Variants in CEP120 observed in about 807,000 individuals in gnomAD.
CEP120 encodes centrosomal protein of 120 kDa.
In CEP120, 113 loss-of-function variants were observed where a neutral mutation model predicts 126.5. The observed-to-expected ratio is 0.89, with a 90% CI of 0.77 to 1.04. CEP120 has a LOEUF of 1.04. Among genes scored for constraint, CEP120 ranks in the 50% least tolerant of loss-of-function variants. The pLI, the probability that CEP120 is intolerant of heterozygous loss-of-function variation, is 0.00. For synonymous variants in CEP120, 400 were observed against 394.3 expected (o/e 1.01, Z -0.17); for missense variants, 1,230 against 1,155.7 (o/e 1.06, Z -0.93).
At chr5:123,347,530 A>T (rs1768913684) in intron 19 of CEP120, among the ~76,000 whole-genome samples, 1 of 152,198 alleles carries the variant, frequency 6.6e-6, no homozygotes, top group African/African-American at 2.4e-5. Flanking sequence ...TATGTTTGTT[A>T]TAATCTCATT....
chr5:123,361,464 G>A (rs1001587535), intron 18 of CEP120, among the ~76,000 whole-genome samples: 5 of 151,826 alleles, frequency 3.3e-5, no homozygotes, highest in Non-Finnish European at 7.4e-5. Context: ...ATGAAAGAAT[G>A]AAGTAACTAC....
chr5:123,389,546 G>C (rs1772249606), intron 8 of CEP120, among the ~76,000 whole-genome samples: 1 of 152,120 alleles, frequency 6.6e-6, no homozygotes, highest in Non-Finnish European at 1.5e-5. Context: ...TGTTGCCCAG[G>C]CTGGAGTGCA....
intron 16 of CEP120, among the ~76,000 whole-genome samples, chr5:123,376,172 GA>G (rs1348199985): frequency 2.0e-5 from 3 of 152,092 alleles, no homozygotes; most frequent in African/African-American, 7.2e-5. Flanking sequence ...TAAAGAAAAA[GA>G]ACAGGAGAAT....
chr5:123,349,977 T>C lies in CEP120; in HGVS notation c.2693A>G (p.Gln898Arg). The change falls in exon 19 of 20, where the codon CAA becomes CGA. Residue 898 changes from glutamine (Q) to arginine (R), a missense_variant. Gln to Arg is a conservative substitution (Grantham distance 43). Coordinates refer to ENST00000306467, the MANE Select transcript of CEP120 (RefSeq NM_001375405.1). ...EEKDTVKTER[Q>R]ELLDIRNELN... Reference sequence around the variant, plus strand: ...TTCATTTCTTATATCCAACAATTCTTGTCGCTCGGTTTTTACTGTATCTTT... The same window carrying C: ...TTCATTTCTTATATCCAACAATTCTCGTCGCTCGGTTTTTACTGTATCTTT... The C allele has an allele frequency of 6.2e-7, 1 of 1,613,854 alleles. No homozygotes were observed. The highest frequency in any genetic ancestry group is 8.5e-7 in the Non-Finnish European group (1 of 1,179,900).
At position 123,386,442 on chromosome 5, in the gene CEP120, T is replaced by G. The variant is rs751083520; in HGVS notation, c.1580+76A>C. ...TGCTATGGATTTAAACCTATAAGAA[T>G]TCCTTTTTAATAAAATACAAATTTT... On this transcript the variant is annotated intron_variant, in intron 10 of 19. Coordinates refer to ENST00000306467, the MANE Select transcript of CEP120 (RefSeq NM_001375405.1). 2.8e-6 allele frequency: 3 copies of G among 1,077,932 alleles called. No homozygotes were observed. The Admixed American group carries it at 1.0e-4, about 37-fold the overall frequency. The allele number at this position is 1,077,932 out of a possible 1,614,324, so 66.8% of individuals were successfully genotyped here.
At chr5:123,402,133 T>C in intron 4 of CEP120, 1 of 1,583,364 alleles carries the variant, frequency 6.3e-7, no homozygotes, top group Non-Finnish European at 8.7e-7. Context: ...CTCAGCAGGC[T>C]CTGGTTGACT....
rs1303544839 is a variant in CEP120, at chr5:123,388,503, A to C, written c.1359T>G (p.His453Gln). 6.2e-7 allele frequency: 1 copy of C among 1,610,142 alleles called. No individual in the cohort carries two copies. Among genetic ancestry groups the C allele is most frequent in the Non-Finnish European group, 8.5e-7 (1 of 1,178,692 alleles). The change falls in exon 9 of 20, where the codon CAT becomes CAG. Residue 453 changes from histidine (H) to glutamine (Q), a missense_variant. By Grantham distance (24) the His-to-Gln change is conservative (BLOSUM62 0). Coordinates refer to ENST00000306467, the MANE Select transcript of CEP120 (RefSeq NM_001375405.1). Reference sequence around the variant, plus strand: ...TCCTTAAGTCTATTGAAAAGCAAAAATGATGTGATGTTGCTGGTACAGCAA... The same window carrying C: ...TCCTTAAGTCTATTGAAAAGCAAAACTGATGTGATGTTGCTGGTACAGCAA... ...QKIAVPATSHHFCFSIDLRSI... is the reference protein window; with the variant it reads ...QKIAVPATSHQFCFSIDLRSI...
At position 123,391,350 on chromosome 5, in the gene CEP120, G is replaced by C; in HGVS notation, c.811-13C>G. The stretch of plus-strand genomic sequence containing the variant: ...AGCAGAGGTGAATCTAATATGAAAG[G>C]GAAAAATCAAAATAGGGCTTTATAC... On this transcript the variant is annotated splice_polypyrimidine_tract_variant and intron_variant, in intron 6 of 19. Coordinates refer to ENST00000306467, the MANE Select transcript of CEP120 (RefSeq NM_001375405.1). 16 of 1,585,662 alleles carry C rather than the reference G, an allele frequency of 1.0e-5. No homozygotes were observed. Among genetic ancestry groups the C allele is most frequent in the Non-Finnish European group, 1.3e-5 (15 of 1,156,090 alleles).
chr5:123,405,267 T>C (rs1000319811), intron 4 of CEP120, among the ~76,000 whole-genome samples: 1 of 4,892 alleles, frequency 2.0e-4, no homozygotes, highest in African/African-American at 9.5e-4. Context: ...GCCTGAGAGA[T>C]AAAAACTCCA....
intron 18 of CEP120, among the ~76,000 whole-genome samples, chr5:123,356,473 C>A (rs988089507): frequency 6.6e-6 from 1 of 152,036 alleles, no homozygotes; most frequent in Non-Finnish European, 1.5e-5. Flanking sequence ...TAAAATTCAG[C>A]TTTTAAATAT....
intron 18 of CEP120, among the ~76,000 whole-genome samples, chr5:123,357,999 C>A (rs1272518453): frequency 6.6e-6 from 1 of 152,014 alleles, no homozygotes; most frequent in Non-Finnish European, 1.5e-5. Context: ...AAATGAATGT[C>A]CCCTAGTACC....
chr5:123,364,295 T>G (rs182341408), intron 18 of CEP120, among the ~76,000 whole-genome samples: 5 of 151,656 alleles, frequency 3.3e-5, no homozygotes, highest in Non-Finnish European at 5.9e-5. Flanking sequence ...CAATTTTTTT[T>G]AAAAGACATA....
intron 17 of CEP120, 152 bp from the exon 18 acceptor site, chr5:123,364,746 T>G: frequency 2.6e-6 from 1 of 391,388 alleles, no homozygotes; most frequent in Non-Finnish European, 4.6e-6. Context: ...TTACTATAAA[T>G]ATTATGGCAC....
intron 16 of CEP120, among the ~76,000 whole-genome samples, chr5:123,375,927 T>A (rs1404902274): frequency 6.6e-6 from 1 of 151,968 alleles, no homozygotes; most frequent in Non-Finnish European, 1.5e-5. Flanking sequence ...GAGGCATTCA[T>A]CATACATATC....
chr5:123,363,469 C>T (rs1353925161), intron 18 of CEP120, among the ~76,000 whole-genome samples: 2 of 150,228 alleles, frequency 1.3e-5, no homozygotes, highest in Non-Finnish European at 3.0e-5. Flanking sequence ...TAAGACACTG[C>T]TTTCAATACA....
Position 123,346,618 on chromosome 5 carries a change from A to T in CEP120, c.2862T>A (p.Thr954=), listed in dbSNP as rs1768835757. The T allele has an allele frequency of 1.9e-6, 3 of 1,613,892 alleles. No individual in the cohort carries two copies. The change falls in exon 20 of 20, where the codon ACT becomes ACA. Residue 954 remains threonine (T), a synonymous_variant. Coordinates refer to ENST00000306467, the MANE Select transcript of CEP120 (RefSeq NM_001375405.1). ...YLTRLIEERD[T]LMRTGVYNHE... is the part of the protein sequence containing the mutation. ...GATTATACACACCCGTTCTCATCAA[A>T]GTATCCCTTTCTTCTATCAGGCGAG...
At chr5:123,401,010 C>T (rs1289362981) in intron 4 of CEP120, 2 of 1,560,080 alleles carry the variant, frequency 1.3e-6, no homozygotes, top group African/African-American at 2.7e-5. Context: ...GCTGGTGCGG[C>T]TGAAGGAGCT....
At chr5:123,399,090 A>C in intron 5 of CEP120, 46 bp downstream of exon 5, 2 of 1,413,054 alleles carry the variant, frequency 1.4e-6, no homozygotes, top group Non-Finnish European at 1.9e-6. Context: ...TGTTTTACAT[A>C]GTTTTCAAAT....
chr5:123,411,030 C>A (rs1234234473), intron 4 of CEP120, among the ~76,000 whole-genome samples: 2 of 152,156 alleles, frequency 1.3e-5, no homozygotes, highest in African/African-American at 4.8e-5. Context: ...AAGACCTGAG[C>A]AGACACCTCA....
Sources: gnomAD v4.1 joint callset for allele counts (sites outside exome capture counted in the v4.1 genomes callset) on GRCh38, gnomAD v4.1.1 for gene constraint, MANE v1.5 for transcripts, NCBI Gene and HGNC (gene_info 2026-07-23, HGNC 2026-07-21) for gene names.